Variants in PHACTR3 observed in about 807,000 individuals in gnomAD.
PHACTR3 encodes the protein phosphatase and actin regulator 3.
In PHACTR3, 16 loss-of-function variants were observed where a neutral mutation model predicts 66.8. That is an observed-to-expected ratio of 0.24 (90% confidence interval 0.16 to 0.36). The LOEUF (loss-of-function observed/expected upper bound fraction) is 0.36, where lower values mean the gene tolerates loss of function less well. Ranked by LOEUF, PHACTR3 falls within the 10% of genes least tolerant of loss-of-function variation. The pLI is 1.00. For synonymous variants in PHACTR3, 323 were observed against 292.1 expected, an observed-to-expected ratio of 1.11 and a Z score of -1.08; for missense variants, 647 against 719.9, an observed-to-expected ratio of 0.90 and a Z score of 1.16.
chr20:59,771,197 T>C (rs766974517), intron 5 of PHACTR3, among the ~76,000 whole-genome samples: 3 of 152,110 alleles, frequency 2.0e-5, no homozygotes, highest in Non-Finnish European at 4.4e-5. Flanking sequence ...GTTTCCCTAT[T>C]TGTACAAGAG....
At chr20:59,682,661 G>A (rs1430943349) in intron 1 of PHACTR3, among the ~76,000 whole-genome samples, 2 of 152,236 alleles carry the variant, frequency 1.3e-5, no homozygotes, top group Non-Finnish European at 2.9e-5. Flanking sequence ...CATTACGGAG[G>A]TGACATTTGA....
At chr20:59,740,821 G>A (rs1429028412) in intron 1 of PHACTR3, among the ~76,000 whole-genome samples, 1 of 152,262 alleles carries the variant, frequency 6.6e-6, no homozygotes, top group African/African-American at 2.4e-5. Context: ...TGGGGGCACA[G>A]AGGTCACTGC....
At chr20:59,683,813 G>A (rs896992459) in intron 1 of PHACTR3, among the ~76,000 whole-genome samples, 2 of 152,134 alleles carry the variant, frequency 1.3e-5, no homozygotes, top group Admixed American at 1.3e-4. Context: ...CTGGGTCCAC[G>A]AATCCCTTAA....
At chr20:59,816,265 C>G (rs187708107) in intron 8 of PHACTR3, among the ~76,000 whole-genome samples, 1 of 152,210 alleles carries the variant, frequency 6.6e-6, no homozygotes, top group East Asian at 1.9e-4. Context: ...GGAGGTGGAG[C>G]TAAGGCAGTA....
intron 1 of PHACTR3, among the ~76,000 whole-genome samples, chr20:59,641,292 C>T (rs982277418): frequency 2.6e-5 from 4 of 152,054 alleles, no homozygotes; most frequent in African/African-American, 9.7e-5. Flanking sequence ...GTCTGTCTAT[C>T]TGTCTATCTA....
intron 1 of PHACTR3, among the ~76,000 whole-genome samples, chr20:59,585,010 A>G (rs536757813): frequency 3.9e-5 from 6 of 152,200 alleles, no homozygotes; most frequent in East Asian, 1.9e-4. Flanking sequence ...AAACTTCAAC[A>G]TATACATATT....
At chr20:59,782,022 GCC>G (rs1445756103) in intron 7 of PHACTR3, among the ~76,000 whole-genome samples, 22 of 152,094 alleles carry the variant, frequency 1.4e-4, no homozygotes, top group Admixed American at 1.4e-3. Flanking sequence ...CCCAATCTAG[GCC>G]TCAAGGATTC....
At chr20:59,660,247 C>A (rs1418123374) in intron 1 of PHACTR3, among the ~76,000 whole-genome samples, 1 of 152,200 alleles carries the variant, frequency 6.6e-6, no homozygotes, top group South Asian at 2.1e-4. Context: ...GTAATCCCAG[C>A]ACTTTGGGAG....
intron 7 of PHACTR3, among the ~76,000 whole-genome samples, chr20:59,781,672 A>G (rs1379227789): frequency 6.6e-6 from 1 of 152,254 alleles, no homozygotes; most frequent in Non-Finnish European, 1.5e-5. Context: ...TAGGGGTACC[A>G]TGCTAATATA....
At chr20:59,803,081 G>C (rs544467457) in intron 7 of PHACTR3, among the ~76,000 whole-genome samples, 4 of 152,104 alleles carry the variant, frequency 2.6e-5, no homozygotes, top group African/African-American at 9.7e-5. Context: ...ATGACAGTTT[G>C]GGGGGAATGA....
At chr20:59,811,804 G>A (rs2041744400) in intron 8 of PHACTR3, among the ~76,000 whole-genome samples, 1 of 152,214 alleles carries the variant, frequency 6.6e-6, no homozygotes, top group African/African-American at 2.4e-5. Flanking sequence ...AGCCGTCTTT[G>A]TCTCAGCTGC....
chr20:59,585,163 CT>C (rs1259218766), intron 1 of PHACTR3, among the ~76,000 whole-genome samples: 3 of 152,136 alleles, frequency 2.0e-5, no homozygotes, highest in Non-Finnish European at 1.5e-5. Flanking sequence ...TCTGTCACCG[CT>C]TATGATCTGG....
At chr20:59,709,367 T>G (rs1184038711) in intron 1 of PHACTR3, among the ~76,000 whole-genome samples, 4 of 152,142 alleles carry the variant, frequency 2.6e-5, no homozygotes, top group Non-Finnish European at 5.9e-5. Flanking sequence ...CATAAATCCA[T>G]TTGGGATTTT....
At chr20:59,794,500 A>T (rs538644382) in intron 7 of PHACTR3, among the ~76,000 whole-genome samples, 1 of 152,184 alleles carries the variant, frequency 6.6e-6, no homozygotes, top group Admixed American at 6.5e-5. Flanking sequence ...GCTGGCCTAT[A>T]GTTTTCTTTT....
intron 1 of PHACTR3, among the ~76,000 whole-genome samples, chr20:59,596,575 A>G (rs986021692): frequency 6.6e-6 from 1 of 152,226 alleles, no homozygotes; most frequent in African/African-American, 2.4e-5. Context: ...ATGTAGCTCA[A>G]TTTAATGCCT....
chr20:59,720,622 C>G (rs2038257663), intron 1 of PHACTR3, among the ~76,000 whole-genome samples: 1 of 152,244 alleles, frequency 6.6e-6, no homozygotes, highest in Non-Finnish European at 1.5e-5. Flanking sequence ...AAGGTGCACA[C>G]AATCCCCTAC....
Position 59,605,054 on chromosome 20 carries a change from CG to C in PHACTR3, c.44del (p.Gly15AlafsTer48), listed in dbSNP as rs1409959524. 1 of 1,393,676 alleles carries C rather than the reference CG, an allele frequency of 7.2e-7. No homozygotes were observed. Among genetic ancestry groups the C allele is most frequent in the Non-Finnish European group, 9.4e-7 (1 of 1,066,308 alleles). 86.3% of individuals were successfully genotyped at this position (1,393,676 alleles called of 1,614,324 possible). A position where few individuals can be genotyped will look rare whatever the true frequency, so the allele number is the denominator to read the frequency against. On this transcript the variant is annotated frameshift_variant, in exon 1 of 13. Transcript: ENST00000371015. LOFTEE classifies it high-confidence loss of function. ...GGACGGGAGCGGCTGCCTCGTGTCG[CG>C]GGGCCGCTCGCAGAGTGACCCCAGC... is the stretch of plus-strand genomic sequence containing the variant. Reference protein sequence around the residue: ...SEDGSGCLVSRGRSQSDPSVL... With the variant: ...SEDGSGCLVSXGRSQSDPSVL...
intron 8 of PHACTR3, among the ~76,000 whole-genome samples, chr20:59,810,722 C>T (rs766555615): frequency 2.5e-4 from 38 of 152,188 alleles, no homozygotes; most frequent in African/African-American, 8.2e-4. Flanking sequence ...AGAACACATC[C>T]GTGTGCTTGG....
intron 1 of PHACTR3, among the ~76,000 whole-genome samples, chr20:59,678,395 G>T (rs972808897): frequency 6.6e-6 from 1 of 152,090 alleles, no homozygotes; most frequent in Non-Finnish European, 1.5e-5. Flanking sequence ...GGAGCCACAC[G>T]CTTTGCACCG....
Sources: allele counts gnomAD v4.1 joint callset (sites outside exome capture counted in the v4.1 genomes callset), GRCh38; gene constraint gnomAD v4.1.1; transcripts MANE v1.5; gene names NCBI Gene and HGNC (gene_info 2026-07-23, HGNC 2026-07-21).